Variants in CCDC57 observed in about 807,000 individuals in gnomAD.
The protein encoded by CCDC57 is coiled-coil domain-containing protein 57.
A neutral mutation model predicts 118.9 loss-of-function variants in CCDC57; 118 were observed. The observed-to-expected ratio is 0.99, with a 90% CI of 0.86 to 1.16. CCDC57 has a LOEUF of 1.16. Ranked by LOEUF, CCDC57 falls within the 50% of genes most tolerant of loss-of-function variation. The pLI is 0.00. For synonymous variants in CCDC57, 527 were observed against 532.9 expected (o/e 0.99, Z 0.15); for missense variants, 1,300 against 1,320.7 (o/e 0.98, Z 0.24).
exon 17 of CCDC57, chr17:82,134,168 G>C (rs1378822955): frequency 5.2e-6 from 7 of 1,345,432 alleles, no homozygotes; most frequent in Non-Finnish European, 6.7e-6. Context: ...TCAGGGGCAG[G>C]AGGGAGGGCG....
chr17:82,180,970 G>A (rs1300053428), intron 9 of CCDC57, among the ~76,000 whole-genome samples: 1 of 152,226 alleles, frequency 6.6e-6, no homozygotes, highest in African/African-American at 2.4e-5. Context: ...AGGTCCTCGC[G>A]AGATGGGCCC....
chr17:82,115,101 T>G (rs144914842), intron 19 of CCDC57, among the ~76,000 whole-genome samples: 5 of 152,358 alleles, frequency 3.3e-5, no homozygotes, highest in Non-Finnish European at 7.3e-5. Context: ...GATCCAGGGC[T>G]TGGATTCAGA....
chr17:82,194,097 C>T lies in CCDC57; in HGVS notation c.661G>A (p.Gly221Arg), dbSNP rs555731683. 22 of 1,613,904 alleles carry T rather than the reference C, an allele frequency of 1.4e-5. No individual in the cohort carries two copies. The highest frequency in any genetic ancestry group is 8.0e-5 in the African/African-American group (6 of 75,054). ...TGCAGACTCTCTGCAGCCTTTGCCC[C>T]GGCTTCCTTCAGAGCCTCCAGCTCT... The change falls in exon 6 of 20, where the codon GGG becomes AGG. Residue 221 changes from glycine to arginine, a missense_variant. By Grantham distance (125) the Gly-to-Arg change is moderately radical. Transcript: ENST00000665763.
At chr17:82,116,983 A>T (rs1368368610) in intron 19 of CCDC57, among the ~76,000 whole-genome samples, 1 of 152,216 alleles carries the variant, frequency 6.6e-6, no homozygotes, top group Non-Finnish European at 1.5e-5. Flanking sequence ...TTTGAAAAGG[A>T]CAAAAATGTC....
Position 82,135,544 on chromosome 17 carries a change from T to C in CCDC57, c.2456-1350A>G, listed in dbSNP as rs561116740. 7 of 152,318 alleles carry C rather than the reference T, an allele frequency of 4.6e-5. No individual in the cohort carries two copies. The East Asian group carries it at 1.3e-3, about 29-fold the overall frequency. 9.4% of individuals were successfully genotyped at this position (152,318 alleles called of 1,614,324 possible). A position where few individuals can be genotyped will look rare whatever the true frequency, so the allele number is the denominator to read the frequency against. On this transcript the variant is annotated intron_variant, in intron 16 of 19. Transcript: ENST00000665763. Reference sequence around the variant, plus strand: ...CCGAGATGGGCCCTCAAGTAAAGCATCAGTTTCTTCTACGCAATAAAAGAA... The same window carrying C: ...CCGAGATGGGCCCTCAAGTAAAGCACCAGTTTCTTCTACGCAATAAAAGAA...
exon 20 of CCDC57, chr17:82,101,613 T>TGGCAC: frequency 7.8e-7 from 1 of 1,281,128 alleles, no homozygotes; most frequent in Non-Finnish European, 1.1e-6. Flanking sequence ...CCACAACACG[T>TGGCAC]AGGTGAAAGC....
intron 13 of CCDC57, among the ~76,000 whole-genome samples, chr17:82,168,170 A>G (rs1052530767): frequency 6.6e-6 from 1 of 152,184 alleles, no homozygotes; most frequent in Non-Finnish European, 1.5e-5. Context: ...TTTTGCTTTC[A>G]GTACTTGAAA....
chr17:82,128,077 C>T (rs996313723), intron 18 of CCDC57, among the ~76,000 whole-genome samples, 169 bp from the exon 18 acceptor site: 2 of 152,134 alleles, frequency 1.3e-5, no homozygotes, highest in African/African-American at 2.4e-5. Context: ...GACAGGGATG[C>T]ATCCGGGGAG....
chr17:82,111,263 AT>A (rs1368292447), intron 19 of CCDC57, among the ~76,000 whole-genome samples: 3 of 142,302 alleles, frequency 2.1e-5, no homozygotes, highest in African/African-American at 5.3e-5. Flanking sequence ...GCCCAAGCTA[AT>A]TTTTTTTGTA....
chr17:82,115,775 C>T (rs1257034591), intron 19 of CCDC57, among the ~76,000 whole-genome samples: 2 of 125,888 alleles, frequency 1.6e-5, no homozygotes, highest in South Asian at 2.7e-4. Flanking sequence ...CTCAAAAATA[C>T]AAAAAATTTA....
chr17:82,117,743 C>CAACAAACAAACAAACAAACA (rs146575771), intron 19 of CCDC57, among the ~76,000 whole-genome samples: 15 of 151,124 alleles, frequency 9.9e-5, no homozygotes, highest in Admixed American at 2.6e-4. Context: ...TCAGATTGGC[C>CAACAAACAAACAAACAAACA]AACAAACAAA....
chr17:82,128,915 C>CTT (rs1256942054), intron 17 of CCDC57, among the ~76,000 whole-genome samples: 1 of 151,606 alleles, frequency 6.6e-6, no homozygotes, highest in African/African-American at 2.4e-5. Context: ...GCCGATCCTG[C>CTT]TTTTTTGTTT....
At chr17:82,125,376 A>G (rs2037278038) in intron 19 of CCDC57, among the ~76,000 whole-genome samples, 2 of 142,648 alleles carry the variant, frequency 1.4e-5, no homozygotes, top group African/African-American at 2.5e-5. Flanking sequence ...CATCTCTACT[A>G]AATTTTTTTT....
intron 13 of CCDC57, among the ~76,000 whole-genome samples, chr17:82,164,404 A>G (rs1227279163): frequency 3.3e-5 from 5 of 152,002 alleles, no homozygotes; most frequent in African/African-American, 1.2e-4. Context: ...ACAAACAAAC[A>G]AAAAAACGCC....
chr17:82,158,687 C>CA lies in CCDC57; in HGVS notation c.2041-740dup, dbSNP rs373874358. 8.3e-3 allele frequency among the ~76,000 whole-genome samples: 916 copies of CA among 110,614 alleles called. 7 individuals are homozygous for CA. Among genetic ancestry groups the CA allele is most frequent in the Non-Finnish European group, 0.013 (642 of 50,762 alleles). 72.6% of individuals were successfully genotyped at this position (110,614 alleles called of 152,430 possible). On this transcript the variant is annotated intron_variant, in intron 14 of 19. Transcript: ENST00000665763. ...TGGGCGACAGAGCGAGACTCCATTT[C>CA]AAAAAAAAAAAAAAAAAAGCTTGTA...
intron 16 of CCDC57, among the ~76,000 whole-genome samples, chr17:82,151,096 C>T (rs1598947185): frequency 2.2e-5 from 3 of 134,540 alleles, no homozygotes; most frequent in South Asian, 2.7e-4. Flanking sequence ...CTGGTGCACA[C>T]CCAGAACCTG....
At chr17:82,195,118 C>T (rs2048144240) in intron 5 of CCDC57, 145 bp downstream of exon 4, 1 of 675,990 alleles carries the variant, frequency 1.5e-6, no homozygotes, top group Middle Eastern at 2.5e-4. Flanking sequence ...CCACATGGCC[C>T]ACCTGCTCGC....
At chr17:82,111,365 G>A (rs1393061249) in intron 19 of CCDC57, among the ~76,000 whole-genome samples, 1 of 145,194 alleles carries the variant, frequency 6.9e-6, no homozygotes, top group Non-Finnish European at 1.5e-5. Context: ...GCCTCTCAAA[G>A]TGCCTAGGGC....
chr17:82,170,255 A>T (rs1054824751), intron 13 of CCDC57, among the ~76,000 whole-genome samples: 2 of 152,190 alleles, frequency 1.3e-5, no homozygotes, highest in Non-Finnish European at 2.9e-5. Context: ...CACGCCTGTC[A>T]TCCCAGCACT....
Sources: allele counts gnomAD v4.1 joint callset (sites outside exome capture counted in the v4.1 genomes callset), GRCh38; gene constraint gnomAD v4.1.1; transcripts MANE v1.5; gene names NCBI Gene and HGNC (gene_info 2026-07-23, HGNC 2026-07-21).